Variants in DSCAML1 observed in about 807,000 individuals in gnomAD.
The protein encoded by DSCAML1 is cell adhesion molecule DSCAML1.
Under a neutral mutation model 200.5 loss-of-function variants are expected in DSCAML1, and 38 were observed. The ratio of observed to expected loss-of-function variants is 0.19; its 90% confidence interval spans 0.15 to 0.25. The LOEUF (loss-of-function observed/expected upper bound fraction) is 0.25. DSCAML1 is among the 10% of genes least tolerant of loss of function. The pLI, the probability that DSCAML1 is intolerant of heterozygous loss-of-function variation, is 1.00. For missense variants in DSCAML1, 2,223 were observed against 2,858.8 expected (o/e 0.78, Z 5.07); for synonymous variants, 1,215 against 1,165.0 (o/e 1.04, Z -0.87).
At chr11:117,451,365 C>A (rs184928247) in intron 19 of DSCAML1, among the ~76,000 whole-genome samples, 7 of 152,352 alleles carry the variant, frequency 4.6e-5, no homozygotes, top group Admixed American at 1.3e-4. Flanking sequence ...CCTCATCTCT[C>A]CATTGTATGG....
intron 14 of DSCAML1, among the ~76,000 whole-genome samples, chr11:117,478,268 G>A (rs983789246): frequency 1.3e-5 from 2 of 152,152 alleles, no homozygotes; most frequent in African/African-American, 2.4e-5. Flanking sequence ...GGAGGGGCAC[G>A]AGCGACAGCC....
Position 117,731,573 on chromosome 11 carries a change from C to G in DSCAML1, c.511+45218G>C, listed in dbSNP as rs541987643. On this transcript the variant is annotated intron_variant, in intron 3 of 32. Coordinates refer to ENST00000651296, the MANE Select transcript of DSCAML1 (RefSeq NM_020693.4). ...TCTTTTAAGACCCCTGTGGCTTCCC[C>G]AGGTGGCCCCCTGGATCCCCCCAGA... Among the ~76,000 whole-genome samples the G allele has an allele frequency of 9.8e-5, 15 of 152,340 alleles. No individual in the cohort carries two copies. In the South Asian group the frequency reaches 1.9e-3, roughly 19 times the overall value.
chr11:117,720,533 AGG>A (rs2054025540), intron 3 of DSCAML1, among the ~76,000 whole-genome samples: 1 of 152,188 alleles, frequency 6.6e-6, no homozygotes, highest in African/African-American at 2.4e-5. Flanking sequence ...ACGCGAATGA[AGG>A]GGGTAAAAAC....
intron 3 of DSCAML1, among the ~76,000 whole-genome samples, chr11:117,566,662 T>C (rs1388622203): frequency 6.6e-6 from 1 of 151,800 alleles, no homozygotes; most frequent in African/African-American, 2.4e-5. Context: ...TGTGCCATGC[T>C]GGTGTGCTGC....
intron 1 of DSCAML1, 87 bp downstream of exon 1, chr11:117,796,947 G>A (rs2055590228): frequency 5.6e-6 from 6 of 1,072,316 alleles, no homozygotes; most frequent in Non-Finnish European, 7.2e-6. Flanking sequence ...CCACGCACCT[G>A]GAGCCCGCCG....
chr11:117,696,662 G>A (rs1263838927), intron 3 of DSCAML1, among the ~76,000 whole-genome samples: 10 of 152,086 alleles, frequency 6.6e-5, no homozygotes, highest in African/African-American at 2.4e-4. Flanking sequence ...GTCTCCCCTT[G>A]TCTGTGCTTC....
intron 11 of DSCAML1, among the ~76,000 whole-genome samples, chr11:117,501,805 G>A (rs942871267): frequency 5.9e-5 from 9 of 152,100 alleles, no homozygotes; most frequent in African/African-American, 2.2e-4. Context: ...CAGCAGCTGT[G>A]TAAGAAAGGT....
intron 16 of DSCAML1, among the ~76,000 whole-genome samples, chr11:117,467,721 C>T (rs541693500): frequency 3.2e-4 from 48 of 151,906 alleles, no homozygotes; most frequent in African/African-American, 1.1e-3. Flanking sequence ...TAAGTGGACA[C>T]ATTTTTACAT....
At chr11:117,631,232 G>C (rs2052166664) in intron 3 of DSCAML1, among the ~76,000 whole-genome samples, 1 of 152,344 alleles carries the variant, frequency 6.6e-6, no homozygotes, top group South Asian at 2.1e-4. Flanking sequence ...GGGGCCTCCT[G>C]CTGCTGCTTA....
intron 3 of DSCAML1, among the ~76,000 whole-genome samples, chr11:117,628,017 T>C (rs927266626): frequency 2.0e-5 from 3 of 152,206 alleles, no homozygotes; most frequent in African/African-American, 7.2e-5. Context: ...GTAATACCTG[T>C]ATGTTTTAAA....
chr11:117,790,265 T>A (rs2055435995), intron 1 of DSCAML1, among the ~76,000 whole-genome samples: 1 of 152,188 alleles, frequency 6.6e-6, no homozygotes, highest in Non-Finnish European at 1.5e-5. Flanking sequence ...GGGGAGTTGG[T>A]CCAGAGGACT....
intron 3 of DSCAML1, among the ~76,000 whole-genome samples, chr11:117,557,189 G>A (rs895692314): frequency 2.0e-5 from 3 of 152,212 alleles, no homozygotes; most frequent in Non-Finnish European, 4.4e-5. Context: ...TTAAGCAGGT[G>A]GGGGACTTGC....
chr11:117,548,095 T>A (rs1269562982), intron 3 of DSCAML1, among the ~76,000 whole-genome samples: 5 of 152,144 alleles, frequency 3.3e-5, no homozygotes, highest in African/African-American at 7.2e-5. Context: ...CCCTAGAGAG[T>A]AAGCCCTTGA....
At chr11:117,584,062 C>A (rs893914240) in intron 3 of DSCAML1, among the ~76,000 whole-genome samples, 1 of 152,006 alleles carries the variant, frequency 6.6e-6, no homozygotes, top group South Asian at 2.1e-4. Context: ...CTCCCCACCC[C>A]CTCCTCTCCT....
At chr11:117,694,693 G>A (rs150108545) in intron 3 of DSCAML1, among the ~76,000 whole-genome samples, 30 of 152,336 alleles carry the variant, frequency 2.0e-4, no homozygotes, top group African/African-American at 6.0e-4. Context: ...TAAGTGGCAC[G>A]TTGGTGGCTT....
At chr11:117,676,644 G>C (rs1048471061) in intron 3 of DSCAML1, among the ~76,000 whole-genome samples, 2 of 152,232 alleles carry the variant, frequency 1.3e-5, no homozygotes, top group Non-Finnish European at 2.9e-5. Flanking sequence ...CAGGTGGCCA[G>C]GGAGGGCCTA....
rs1322406107 is a variant in DSCAML1 at position 117,428,777 on chromosome 11, C to T, written c.5713G>A (p.Ala1905Thr). Residue 1905 changes from alanine to threonine, a missense_variant, in exon 33 of 33, where the codon GCC becomes ACC. By Grantham distance (58) the Ala-to-Thr change is moderately conservative. Around this residue, in one of 7 missense-constraint regions of DSCAML1, gnomAD observed 280 missense variants for 213.4 expected, o/e 1.31. Transcript: ENST00000651296. ...KSDYCNLPLY[A>T]KSEAFFRKAD... ...TTTCGAAAGAAGGCCTCTGACTTGG[C>T]ATACAGGGGCAGGTTGCAGTAGTCA... is the stretch of plus-strand genomic sequence containing the variant. 1 of 1,607,568 alleles carries T rather than the reference C, an allele frequency of 6.2e-7. No individual in the cohort carries two copies.
intron 3 of DSCAML1, among the ~76,000 whole-genome samples, chr11:117,542,647 G>C (rs1209562797): frequency 6.6e-6 from 1 of 152,248 alleles, no homozygotes; most frequent in African/African-American, 2.4e-5. Flanking sequence ...TGCGAGAAAA[G>C]CACCCCGAGG....
intron 3 of DSCAML1, among the ~76,000 whole-genome samples, chr11:117,733,809 G>T (rs534162143): frequency 6.6e-6 from 1 of 151,812 alleles, no homozygotes; most frequent in South Asian, 2.1e-4. Flanking sequence ...GGACTGTCTG[G>T]AGAAGTCATC....
Sources: allele counts gnomAD v4.1 joint callset (sites outside exome capture counted in the v4.1 genomes callset), GRCh38; gene constraint gnomAD v4.1.1; regional missense constraint gnomAD v4.1.1; transcripts MANE v1.5; gene names NCBI Gene and HGNC (gene_info 2026-07-23, HGNC 2026-07-21).